XXYLT1: variants seen among roughly 807,000 people sequenced by gnomAD.
XXYLT1 encodes xyloside xylosyltransferase 1.
Under a neutral mutation model 28.9 loss-of-function variants are expected in XXYLT1, and 20 were observed. That is an observed-to-expected ratio of 0.69 (90% CI 0.49 to 1.00). The LOEUF (loss-of-function observed/expected upper bound fraction) is 1.00. Ranked by LOEUF, XXYLT1 falls within the 50% of genes least tolerant of loss-of-function variation. The probability of loss-of-function intolerance (pLI) is 0.00; values close to 1 mark genes in which losing one functional copy is unlikely to be tolerated. For missense variants in XXYLT1, 542 were observed against 560.1 expected (o/e 0.97, Z 0.33); for synonymous variants, 257 against 253.8 (o/e 1.01, Z -0.12).
At chr3:195,084,076 G>A (rs1315417932) in intron 3 of XXYLT1, among the ~76,000 whole-genome samples, 2 of 152,112 alleles carry the variant, frequency 1.3e-5, no homozygotes, top group African/African-American at 4.8e-5. Flanking sequence ...GCCTTTTGCT[G>A]CATTAACTCA....
Position 195,226,842 on chromosome 3 carries a change from A to G in XXYLT1, c.519T>C (p.Asp173=), listed in dbSNP as rs2108802328. The G allele has an allele frequency of 6.2e-7, 1 of 1,613,560 alleles. No individual in the cohort carries two copies. Among genetic ancestry groups the G allele is most frequent in the African/African-American group, 1.3e-5 (1 of 74,920 alleles). Residue 173 remains aspartate (D), a synonymous_variant, in exon 2 of 4, where the codon GAT becomes GAC. Transcript: ENST00000310380. ...AGAGCTTATCCGTCAGCACAGCAAC[A>G]TCGTGGAAGATGACCTGCAGCAGGT... ...AGFKCKVIFH[D]VAVLTDKLFP...
At chr3:195,137,556 C>T (rs1334323462) in intron 3 of XXYLT1, among the ~76,000 whole-genome samples, 1 of 152,210 alleles carries the variant, frequency 6.6e-6, no homozygotes, top group Non-Finnish European at 1.5e-5. Flanking sequence ...GTGATTCCTT[C>T]CTGCACAGCA....
At chr3:195,131,760 CT>C (rs1718918754) in intron 3 of XXYLT1, among the ~76,000 whole-genome samples, 2 of 152,204 alleles carry the variant, frequency 1.3e-5, no homozygotes, top group Non-Finnish European at 2.9e-5. Flanking sequence ...CATATCCAGG[CT>C]AATTTCATAG....
chr3:195,082,336 GC>G (rs1485909644), intron 3 of XXYLT1, among the ~76,000 whole-genome samples: 5 of 152,174 alleles, frequency 3.3e-5, no homozygotes, highest in Non-Finnish European at 1.5e-5. Flanking sequence ...CTCCCCGTCA[GC>G]CCCCCTCCCT....
chr3:195,221,456 G>A (rs1187012143), intron 2 of XXYLT1, among the ~76,000 whole-genome samples: 5 of 152,244 alleles, frequency 3.3e-5, no homozygotes, highest in African/African-American at 7.2e-5. Context: ...CATAGGCTGG[G>A]TATTGACAAA....
chr3:195,159,886 A>G (rs1321016270), intron 2 of XXYLT1, among the ~76,000 whole-genome samples: 3 of 152,156 alleles, frequency 2.0e-5, no homozygotes, highest in Non-Finnish European at 4.4e-5. Context: ...TCTCACATCC[A>G]GCAGAAACTT....
chr3:195,106,404 G>A (rs114962369), intron 3 of XXYLT1, among the ~76,000 whole-genome samples: 2,927 of 152,310 alleles, frequency 0.019, 78 homozygotes, highest in African/African-American at 0.066. Flanking sequence ...CCCCCTGAAA[G>A]GTTCTGGCCC....
intron 3 of XXYLT1, among the ~76,000 whole-genome samples, chr3:195,080,343 C>T (rs538657886): frequency 9.9e-5 from 15 of 152,146 alleles, no homozygotes; most frequent in Non-Finnish European, 1.8e-4. Context: ...AGTACTGGGG[C>T]TTGTAGAGGG....
At chr3:195,118,129 C>T (rs1718147235) in intron 3 of XXYLT1, among the ~76,000 whole-genome samples, 1 of 152,234 alleles carries the variant, frequency 6.6e-6, no homozygotes, top group South Asian at 2.1e-4. Context: ...AACTAAACAT[C>T]CCCAGTCCTG....
rs1222946989 is a variant in XXYLT1 at position 195,252,715 on chromosome 3, CACACACACACACAGAGAGAG to C, written c.504+17820_504+17839del. Among the ~76,000 whole-genome samples the C allele has an allele frequency of 1.4e-3, 192 of 141,790 alleles. 1 individual carries two copies. The highest frequency in any genetic ancestry group is 5.3e-3 in the African/African-American group (177 of 33,160). 93.0% of individuals were successfully genotyped at this position (141,790 alleles called of 152,430 possible). On this transcript the variant is annotated intron_variant, in intron 1 of 3. Coordinates refer to ENST00000310380, the MANE Select transcript of XXYLT1 (RefSeq NM_152531.5). ...AACCACACACACACACACACACACA[CACACACACACACAGAGAGAG>C]AGAGAGAGAGAGAGAGAGAGATTCA...
In XXYLT1 at chr3:195,195,346, T is replaced by C. The variant is rs1722580967; in HGVS notation, c.652+31363A>G. Among the ~76,000 whole-genome samples, 1 of 152,222 alleles carries C rather than the reference T, an allele frequency of 6.6e-6. No homozygotes were observed. Among genetic ancestry groups the C allele is most frequent in the African/African-American group, 2.4e-5 (1 of 41,454 alleles). On this transcript the variant is annotated intron_variant, in intron 2 of 3. Coordinates refer to ENST00000310380, the MANE Select transcript of XXYLT1 (RefSeq NM_152531.5). The surrounding 1 kb of genome is among the most constrained non-coding windows in gnomAD (Gnocchi z 4.4). ...TGTCATTGCTATTACCAGCAAGACA[T>C]GCCTGGCTTGAAGTGCTCTGAGAAG...
intron 1 of XXYLT1, among the ~76,000 whole-genome samples, chr3:195,244,264 CAT>C (rs1302459097): frequency 6.6e-6 from 1 of 152,214 alleles, no homozygotes; most frequent in Non-Finnish European, 1.5e-5. Context: ...TGAAACGTCA[CAT>C]GTCAACAGGA....
At chr3:195,247,061 CT>C (rs1464528903) in intron 1 of XXYLT1, among the ~76,000 whole-genome samples, 1 of 152,100 alleles carries the variant, frequency 6.6e-6, no homozygotes, top group Non-Finnish European at 1.5e-5. Flanking sequence ...CCTAATTCAC[CT>C]TTTCTATAAA....
intron 1 of XXYLT1, among the ~76,000 whole-genome samples, chr3:195,268,442 A>C (rs1725909905): frequency 6.6e-6 from 1 of 151,828 alleles, no homozygotes; most frequent in Non-Finnish European, 1.5e-5. Flanking sequence ...AAAAAAAAAA[A>C]AACAAAAAAT....
intron 3 of XXYLT1, among the ~76,000 whole-genome samples, chr3:195,086,855 T>C (rs2108654695): frequency 6.6e-6 from 1 of 152,276 alleles, no homozygotes; most frequent in South Asian, 2.1e-4. Flanking sequence ...CTCCGGGTCC[T>C]GGCTTCTGTC....
intron 1 of XXYLT1, among the ~76,000 whole-genome samples, chr3:195,243,303 T>A (rs1051151347): frequency 4.0e-5 from 6 of 151,752 alleles, no homozygotes; most frequent in African/African-American, 1.5e-4. Flanking sequence ...GGCACATGTA[T>A]ACATATGTAA....
chr3:195,140,489 T>C lies in XXYLT1; in HGVS notation c.785+15960A>G, dbSNP rs530973604. ...CACTGCTATAAAGACATACCTGAGA[T>C]TGGGTTGATTTATGTAGAAAAGAGG... On this transcript the variant is annotated intron_variant, in intron 3 of 3. Transcript: ENST00000310380. Among the ~76,000 whole-genome samples the C allele has an allele frequency of 1.6e-4, 25 of 152,274 alleles. 1 individual carries two copies. The highest frequency in any genetic ancestry group is 2.6e-4 in the Admixed American group (4 of 15,292).
chr3:195,131,795 C>T (rs1470843706), intron 3 of XXYLT1, among the ~76,000 whole-genome samples: 1 of 152,336 alleles, frequency 6.6e-6, no homozygotes, highest in East Asian at 1.9e-4. Context: ...TATAATATTA[C>T]CACACAGTGA....
chr3:195,206,015 AGTTTAATT>A (rs1723055891), intron 2 of XXYLT1, among the ~76,000 whole-genome samples: 1 of 150,142 alleles, frequency 6.7e-6, no homozygotes, highest in African/African-American at 2.5e-5. Context: ...TAAAATTTAA[AGTTTAATT>A]TTTTTTTTTT....
Sources: gnomAD v4.1 joint callset for allele counts (sites outside exome capture counted in the v4.1 genomes callset) on GRCh38, gnomAD v4.1.1 for gene constraint, Gnocchi (gnomAD v3.1) non-coding constraint, MANE v1.5 for transcripts, NCBI Gene and HGNC (gene_info 2026-07-23, HGNC 2026-07-21) for gene names.